LAMA1: variants seen among roughly 807,000 people sequenced by gnomAD.
LAMA1 encodes the protein laminin subunit alpha 1.
LAMA1 carries 219 observed loss-of-function variants against 348.7 expected under a neutral mutation model. The ratio of observed to expected loss-of-function variants is 0.63; its 90% CI spans 0.56 to 0.70. The LOEUF (loss-of-function observed/expected upper bound fraction) is 0.70. Among genes scored for constraint, LAMA1 ranks in the 30% least tolerant of loss-of-function variants. The pLI, the probability that LAMA1 is intolerant of heterozygous loss-of-function variation, is 0.00. For missense variants in LAMA1, 3,744 were observed against 3,888.0 expected, an observed-to-expected ratio of 0.96 and a Z score of 0.99; for synonymous variants, 1,487 against 1,491.0, an observed-to-expected ratio of 1.00 and a Z score of 0.06.
intron 60 of LAMA1, among the ~76,000 whole-genome samples, chr18:6,947,783 T>G (rs1478343490): frequency 6.6e-6 from 1 of 152,122 alleles, no homozygotes; most frequent in Non-Finnish European, 1.5e-5. Context: ...ATTCAGGTGA[T>G]AAAAAAGCCG....
chr18:7,038,014 T>C (rs1217816239), intron 11 of LAMA1, among the ~76,000 whole-genome samples: 1 of 152,144 alleles, frequency 6.6e-6, no homozygotes, highest in African/African-American at 2.4e-5. Context: ...ATAAAGGCCA[T>C]GGGTATAGAT....
At chr18:7,008,328 T>G (rs953051392) in intron 28 of LAMA1, among the ~76,000 whole-genome samples, 160 bp downstream of exon 28, 6 of 152,174 alleles carry the variant, frequency 3.9e-5, no homozygotes, top group African/African-American at 1.4e-4. Flanking sequence ...ATGGAAGATT[T>G]TGTTATGTAC....
At chr18:7,100,727 T>C (rs1251002943) in intron 1 of LAMA1, among the ~76,000 whole-genome samples, 2 of 152,124 alleles carry the variant, frequency 1.3e-5, no homozygotes, top group African/African-American at 4.8e-5. Flanking sequence ...GACTCCATTT[T>C]GGTCAGGTGA....
At chr18:7,007,760 T>G (rs1600389209) in intron 28 of LAMA1, among the ~76,000 whole-genome samples, 1 of 107,256 alleles carries the variant, frequency 9.3e-6, no homozygotes, top group Non-Finnish European at 2.2e-5. Flanking sequence ...GATTAACGAA[T>G]AAGCAAAATG....
chr18:7,078,705 T>C (rs2058180851), intron 3 of LAMA1, among the ~76,000 whole-genome samples: 1 of 151,982 alleles, frequency 6.6e-6, no homozygotes, highest in East Asian at 1.9e-4. Context: ...ATCCTGCACA[T>C]TTGGCCAGGT....
chr18:7,057,471 C>CTTTTTTTTTTTTTTTT (rs552843703), intron 3 of LAMA1, among the ~76,000 whole-genome samples: 41 of 90,810 alleles, frequency 4.5e-4, no homozygotes, highest in East Asian at 1.5e-3. Context: ...CTTTTCTTTT[C>CTTTTTTTTTTTTTTTT]TTTTTTTTTT....
chr18:6,992,487 C>T, intron 36 of LAMA1, 74 bp downstream of exon 36: 1 of 1,522,800 alleles, frequency 6.6e-7, no homozygotes, highest in South Asian at 1.1e-5. Context: ...CACGATGCCT[C>T]CTTCTCCTTT....
rs2057932942 is a variant in LAMA1 at position 7,024,384 on chromosome 18, C to T, written c.2485G>A (p.Glu829Lys). The T allele has an allele frequency of 1.2e-6, 2 of 1,613,736 alleles. No individual in the cohort carries two copies. Among genetic ancestry groups the T allele is most frequent in the Non-Finnish European group, 1.7e-6 (2 of 1,179,686 alleles). ...AAGCCAGTGGATGCAGAGTACCTCT[C>T]ACACCAAGCTCCTGAGTAGCCCGGG... ...CAPGYSGAWC[E>K]RCADGYYGNP... is the part of the protein sequence containing the mutation. Residue 829 changes from glutamate to lysine, a missense_variant, in exon 18 of 63, where the codon GAG (glutamate) becomes AAG (lysine). Glu to Lys is a moderately conservative substitution (Grantham distance 56). Around this residue, in one of 3 missense-constraint regions of LAMA1, gnomAD observed 1,529 missense variants for 1,689.4 expected, o/e 0.91. Transcript: ENST00000389658.
chr18:7,092,510 C>T (rs1367372307), intron 1 of LAMA1, among the ~76,000 whole-genome samples: 4 of 151,616 alleles, frequency 2.6e-5, no homozygotes, highest in South Asian at 2.1e-4. Context: ...CTGTAGTCGC[C>T]GCTACTCGGG....
At chr18:7,040,267 A>G (rs766221461) in intron 9 of LAMA1, 31 bp from the exon 10 acceptor site, 1 of 1,612,874 alleles carries the variant, frequency 6.2e-7, no homozygotes, top group South Asian at 1.1e-5. Flanking sequence ...ATGACCCAAC[A>G]TGAAGGCAAA....
At chr18:6,958,344 T>A (rs1247946998) in intron 55 of LAMA1, 133 bp downstream of exon 55, 5 of 853,126 alleles carry the variant, frequency 5.9e-6, no homozygotes, top group Non-Finnish European at 7.8e-6. Context: ...GATAGAACAA[T>A]GGGGTTCACT....
At chr18:7,064,289 AG>A (rs2143752478) in intron 3 of LAMA1, among the ~76,000 whole-genome samples, 2 of 152,304 alleles carry the variant, frequency 1.3e-5, no homozygotes, top group South Asian at 4.1e-4. Context: ...CCAAAAAAAA[AG>A]AGATGAAAAG....
At chr18:7,079,863 T>C in intron 3 of LAMA1, 112 bp downstream of exon 3, 1 of 786,682 alleles carries the variant, frequency 1.3e-6, no homozygotes. Flanking sequence ...GTGGAAATAG[T>C]GAGATTAGAA....
In LAMA1 at chr18:6,961,603, G is replaced by A. The variant is rs756248044; in HGVS notation, c.7609C>T (p.Arg2537Cys). Residue 2537 changes from arginine (R) to cysteine (C), a missense_variant, in exon 53 of 63, where the codon CGT (arginine) becomes TGT (cysteine). This residue lies in a region of LAMA1 where 1,983 missense variants were observed against 1,934.3 expected (regional missense o/e 1.03). Coordinates refer to ENST00000389658, the MANE Select transcript of LAMA1 (RefSeq NM_005559.4). ...LGGDVEKRGD[R>C]EEAHVPFFSV... ...CTACTCACCACGTGTGCTTCCTCAC[G>A]ATCACCCCGCTTCTCCACATCCCCG... 9.9e-6 allele frequency: 16 copies of A among 1,613,516 alleles called. No individual in the cohort carries two copies. The highest frequency in any genetic ancestry group is 1.7e-4 in the Middle Eastern group (1 of 5,718).
chr18:7,080,892 A>T (rs1375195331), intron 1 of LAMA1, among the ~76,000 whole-genome samples: 1 of 152,208 alleles, frequency 6.6e-6, no homozygotes, highest in Non-Finnish European at 1.5e-5. Context: ...ACCAATGTAC[A>T]TGCGGAAATG....
intron 1 of LAMA1, among the ~76,000 whole-genome samples, chr18:7,088,795 T>G (rs947326887): frequency 6.6e-6 from 1 of 152,132 alleles, no homozygotes. Flanking sequence ...CTGCTGAGAT[T>G]ACAGGCGTGA....
At chr18:7,114,087 A>AG (rs1421040024) in intron 1 of LAMA1, among the ~76,000 whole-genome samples, 4 of 151,952 alleles carry the variant, frequency 2.6e-5, no homozygotes, top group Non-Finnish European at 5.9e-5. Flanking sequence ...AAAAAAAAAA[A>AG]AAAAAGAAAA....
rs142737625 is a variant in LAMA1 at position 6,975,206 on chromosome 18, T to C, written c.6490-170A>G. On this transcript the variant is annotated intron_variant, in intron 45 of 62. Transcript: ENST00000389658. The stretch of plus-strand genomic sequence containing the variant: ...CTTTTGTTTGAAATGGTCCCTTCCC[T>C]GGAGCTGGGGCATGACTCACAGCCC... Among the ~76,000 whole-genome samples the C allele has an allele frequency of 6.2e-3, 951 of 152,312 alleles. 8 individuals are homozygous for C. The highest frequency in any genetic ancestry group is 0.021 in the African/African-American group (892 of 41,566).
At position 7,013,927 on chromosome 18, in the gene LAMA1, A is replaced by G. The variant is rs1420183028; in HGVS notation, c.3251T>C (p.Phe1084Ser). The G allele has an allele frequency of 8.7e-6, 14 of 1,613,742 alleles. No individual in the cohort carries two copies. The highest frequency in any genetic ancestry group is 1.1e-5 in the Non-Finnish European group (13 of 1,179,854). ...CDQCSLGYRD[F>S]PDCVPCDCDL... ...ACAGTCACAGGGAACACAGTCGGGA[A>G]AGTCTCTGTAACCCAAGGAACACTG... Residue 1084 changes from phenylalanine to serine, a missense_variant, in exon 23 of 63, where the codon TTT becomes TCT. This residue lies in a region of LAMA1 where 1,529 missense variants were observed against 1,689.4 expected (regional missense o/e 0.91). Coordinates refer to ENST00000389658, the MANE Select transcript of LAMA1 (RefSeq NM_005559.4).
Sources: gnomAD v4.1 joint callset for allele counts (sites outside exome capture counted in the v4.1 genomes callset) on GRCh38, gnomAD v4.1.1 for gene constraint, gnomAD v4.1.1 regional missense constraint, MANE v1.5 for transcripts, NCBI Gene and HGNC (gene_info 2026-07-23, HGNC 2026-07-21) for gene names.